Variants in PRRC2A observed in about 807,000 individuals in gnomAD.
PRRC2A encodes protein PRRC2A.
PRRC2A carries 59 observed loss-of-function variants against 224.6 expected under a neutral mutation model. The ratio of observed to expected loss-of-function variants is 0.26; its 90% CI spans 0.21 to 0.33. The LOEUF (loss-of-function observed/expected upper bound fraction) is 0.33, where lower values mean the gene tolerates loss of function less well. PRRC2A is among the 10% of genes least tolerant of loss of function. The pLI, the probability that PRRC2A is intolerant of heterozygous loss-of-function variation, is 1.00. For missense variants in PRRC2A, 3,095 were observed against 2,880.7 expected (o/e 1.07, Z -1.70); for synonymous variants, 1,194 against 1,109.5 (o/e 1.08, Z -1.51).
At chr6:31,622,998 A>G (rs542466913) in intron 2 of PRRC2A, 97 bp downstream of exon 2, 2 of 1,062,840 alleles carry the variant, frequency 1.9e-6, no homozygotes, top group African/African-American at 3.1e-5. Flanking sequence ...TGTAGTAGAA[A>G]TACCAAAAGA....
chr6:31,625,514 C>T lies in PRRC2A; in HGVS notation c.662C>T (p.Pro221Leu), dbSNP rs144276631. 35 of 1,582,212 alleles carry T rather than the reference C, an allele frequency of 2.2e-5. No homozygotes were observed. The highest frequency in any genetic ancestry group is 4.0e-5 in the African/African-American group (3 of 74,156). ...CGTGGCCCTGATGAGCTGGAGGGCCCGGACTCCAAACTTCATCATGGTCAT... is the reference window on the plus strand; with the variant it reads ...CGTGGCCCTGATGAGCTGGAGGGCCTGGACTCCAAACTTCATCATGGTCAT... ...GGRGPDELEG[P>L]DSKLHHGHDP... Residue 221 changes from proline (P) to leucine (L), a missense_variant, in exon 7 of 31, where the codon CCG (proline) becomes CTG (leucine). Physicochemically the swap from Pro to Leu is moderately conservative, Grantham distance 98 (BLOSUM62 -3). Transcript: ENST00000376033. The surrounding 1 kb of genome is among the most constrained non-coding windows in gnomAD (Gnocchi z 4.1).
At position 31,627,831 on chromosome 6, in the gene PRRC2A, C is replaced by G; in HGVS notation, c.1357C>G (p.Arg453Gly). 7 of 1,613,044 alleles carry G rather than the reference C, an allele frequency of 4.3e-6. No homozygotes were observed. The highest frequency in any genetic ancestry group is 5.1e-6 in the Non-Finnish European group (6 of 1,180,042). Residue 453 changes from arginine to glycine, a missense_variant, in exon 12 of 31, where the codon CGA (arginine) becomes GGA (glycine). Arg to Gly is a moderately radical substitution (Grantham distance 125). Around this residue, in one of 8 missense-constraint regions of PRRC2A, gnomAD observed 2,001 missense variants for 1,764.9 expected, o/e 1.13. Coordinates refer to ENST00000376033, the MANE Select transcript of PRRC2A (RefSeq NM_004638.4). The surrounding 1 kb of genome is among the most constrained non-coding windows in gnomAD (Gnocchi z 5.6). ...EDEDEAWRQR[R>G]KQSSSEISLA... Reference sequence around the variant, plus strand: ...TGAGGATGAGGCATGGCGGCAGCGACGAAAGCAGTCGTCATCTGAGATTTC... The same window carrying G: ...TGAGGATGAGGCATGGCGGCAGCGAGGAAAGCAGTCGTCATCTGAGATTTC...
Position 31,636,805 on chromosome 6 carries a change from G to A in PRRC2A, c.6007G>A (p.Ala2003Thr), listed in dbSNP as rs1414323801. The change falls in exon 28 of 31, where the codon GCC (alanine) becomes ACC (threonine). Residue 2003 changes from alanine (A) to threonine (T), a missense_variant. Ala to Thr is a moderately conservative substitution (Grantham distance 58, BLOSUM62 0). Around this residue, in one of 8 missense-constraint regions of PRRC2A, gnomAD observed 662 missense variants for 609.5 expected, o/e 1.09. Coordinates refer to ENST00000376033, the MANE Select transcript of PRRC2A (RefSeq NM_004638.4). This position sits in a 1 kb window ranked among gnomAD's most constrained non-coding sequence, Gnocchi z 4.3. ...FGSLPPAPPP[A>T]PPPLSLLPVG... ...CTCCCTGCCGCCAGCACCACCTCCT[G>A]CCCCACCTCCCCTTTCTCTGTTACC... The A allele has an allele frequency of 1.2e-6, 2 of 1,609,788 alleles. No homozygotes were observed. The highest frequency in any genetic ancestry group is 3.3e-4 in the Middle Eastern group (2 of 6,062).
Position 31,627,310 on chromosome 6 carries a change from T to C in PRRC2A, c.1290+112T>C, listed in dbSNP as rs1433555255. On this transcript the variant is annotated intron_variant, in intron 11 of 30. Coordinates refer to ENST00000376033, the MANE Select transcript of PRRC2A (RefSeq NM_004638.4). The surrounding 1 kb of genome is among the most constrained non-coding windows in gnomAD (Gnocchi z 5.6). ...AGGGGGGTGCTAAAAATGGGCTGTG[T>C]GAAGTGCCAGGCTGCAGAACATCCT... The C allele has an allele frequency of 1.4e-5, 11 of 769,414 alleles. No individual in the cohort carries two copies. The highest frequency in any genetic ancestry group is 1.9e-5 in the Non-Finnish European group (9 of 477,666). 47.7% of individuals were successfully genotyped at this position (769,414 alleles called of 1,614,324 possible).
chr6:31,637,302 AGC>A lies in PRRC2A; in HGVS notation c.6315_6316del (p.Val2106ArgfsTer17). The stretch of plus-strand genomic sequence containing the variant: ...ACCTACAGTGGAGTCTTCCGCACCC[AGC>A]GCGTCGACCTTTACCAGCAGGTGAA... On this transcript the variant is annotated frameshift_variant, in exon 30 of 31. Coordinates refer to ENST00000376033, the MANE Select transcript of PRRC2A (RefSeq NM_004638.4). LOFTEE classifies it high-confidence loss of function. The A allele has an allele frequency of 1.2e-6, 2 of 1,612,370 alleles. No homozygotes were observed. The highest frequency in any genetic ancestry group is 1.7e-6 in the Non-Finnish European group (2 of 1,179,384).
chr6:31,622,639 C>A, intron 1 of PRRC2A, 51 bp from the exon 2 acceptor site: 1 of 626,290 alleles, frequency 1.6e-6, no homozygotes, highest in South Asian at 2.1e-5. Flanking sequence ...ATATCTGAGT[C>A]CCTAATGATA....
rs753472805 is a variant in PRRC2A at position 31,626,096 on chromosome 6, A to G, written c.916A>G (p.Ile306Val). 11 of 1,612,616 alleles carry G rather than the reference A, an allele frequency of 6.8e-6. No individual in the cohort carries two copies. The highest frequency in any genetic ancestry group is 2.2e-5 in the South Asian group (2 of 91,082). ...AGTAGAGCCTGTGGGTCGTCCCTCT[A>G]TTCTCAAAGAGGATAATCTCAAAGA... Reference protein sequence around the residue: ...RLVEPVGRPSILKEDNLKEFD... With the variant: ...RLVEPVGRPSVLKEDNLKEFD... The change falls in exon 9 of 31, where the codon ATT (isoleucine) becomes GTT (valine). Residue 306 changes from isoleucine (I) to valine (V), a missense_variant. Ile to Val is a conservative substitution (Grantham distance 29, BLOSUM62 3). Transcript: ENST00000376033.
Position 31,631,183 on chromosome 6 carries a change from G to A in PRRC2A, c.2510G>A (p.Ser837Asn), listed in dbSNP as rs1231031135. The A allele has an allele frequency of 6.3e-7, 1 of 1,578,338 alleles. No homozygotes were observed. The highest frequency in any genetic ancestry group is 8.6e-7 in the Non-Finnish European group (1 of 1,163,466). Residue 837 changes from serine (S) to asparagine (N), a missense_variant, in exon 16 of 31, where the codon AGT becomes AAT. Around this residue, in one of 8 missense-constraint regions of PRRC2A, gnomAD observed 2,001 missense variants for 1,764.9 expected, o/e 1.13. Coordinates refer to ENST00000376033, the MANE Select transcript of PRRC2A (RefSeq NM_004638.4). The surrounding 1 kb of genome is among the most constrained non-coding windows in gnomAD (Gnocchi z 4.5). ...PVPPPPPYLA[S>N]YPGFPENGAP... ...CCTCCCCCACCACCCTATCTGGCCA[G>A]TTATCCAGGCTTTCCTGAGAATGGA...
At chr6:31,630,216 CTG>C (rs1360680175) in intron 14 of PRRC2A, among the ~76,000 whole-genome samples, 4 of 152,218 alleles carry the variant, frequency 2.6e-5, no homozygotes, top group Non-Finnish European at 5.9e-5. Flanking sequence ...ACTCGGGAGA[CTG>C]AGGCAGGAGA....
intron 12 of PRRC2A, among the ~76,000 whole-genome samples, 190 bp downstream of exon 12, chr6:31,628,429 A>G (rs560249717): frequency 6.6e-6 from 1 of 152,322 alleles, no homozygotes; most frequent in African/African-American, 2.4e-5. Flanking sequence ...CTTAGGTTGT[A>G]GTCTAATACC....
chr6:31,635,506 C>T (rs765073576), intron 23 of PRRC2A, 41 bp downstream of exon 23: 7 of 1,612,330 alleles, frequency 4.3e-6, no homozygotes, highest in East Asian at 2.2e-5. Flanking sequence ...CCCAAGATTT[C>T]TGGGGAAGAT....
chr6:31,624,628 A>G (rs1775688627), intron 5 of PRRC2A, 106 bp downstream of exon 5: 6 of 1,249,616 alleles, frequency 4.8e-6, no homozygotes, highest in African/African-American at 3.0e-5. Context: ...GGCTAAATCA[A>G]GGACCACCCA....
Position 31,622,897 on chromosome 6 carries a change from C to A in PRRC2A, c.108C>A (p.Pro36=). ...GCAAGTCCTTAGAGATCCAGAAACC[C>A]GCTGGTGAGAGTCCTGCAAAGATGC... The part of the protein sequence containing the change: ...YKGKSLEIQK[P]AVAPRHGLQS... Residue 36 remains proline, a synonymous_variant, in exon 2 of 31, where the codon CCC becomes CCA. Transcript: ENST00000376033. The A allele has an allele frequency of 6.2e-7, 1 of 1,612,750 alleles. No individual in the cohort carries two copies. The highest frequency in any genetic ancestry group is 8.5e-7 in the Non-Finnish European group (1 of 1,178,748).
At position 31,622,736 on chromosome 6, in the gene PRRC2A, C is replaced by G; in HGVS notation, c.-54C>G. On this transcript the variant is annotated 5_prime_UTR_variant, in exon 2 of 31. Coordinates refer to ENST00000376033, the MANE Select transcript of PRRC2A (RefSeq NM_004638.4). ...GCTGTCTGGCCCACAGGCTCTGGCA[C>G]GTTTTGGGGGAGGTGCCTGCAGGAC... 7.3e-7 allele frequency: 1 copy of G among 1,372,632 alleles called. No individual in the cohort carries two copies. Among genetic ancestry groups the G allele is most frequent in the Non-Finnish European group, 1.0e-6 (1 of 967,464 alleles). 85.0% of individuals were successfully genotyped at this position (1,372,632 alleles called of 1,614,324 possible).
chr6:31,636,973 G>A lies in PRRC2A; in HGVS notation c.6147+28G>A. On this transcript the variant is annotated intron_variant, in intron 28 of 30. Transcript: ENST00000376033. This position sits in a 1 kb window ranked among gnomAD's most constrained non-coding sequence, Gnocchi z 4.3. ...AAGGTACAGGAACTGAGGGGCTAGG[G>A]AGCGCCAAGACTTGGGAGTAGGGAT... The A allele has an allele frequency of 6.2e-7, 1 of 1,604,544 alleles. No individual in the cohort carries two copies. Among genetic ancestry groups the A allele is most frequent in the Non-Finnish European group, 8.5e-7 (1 of 1,173,916 alleles).
At position 31,629,576 on chromosome 6, in the gene PRRC2A, A is replaced by C. The variant is rs755160107; in HGVS notation, c.1985A>C (p.His662Pro). Residue 662 changes from histidine (H) to proline (P), a missense_variant, in exon 14 of 31, where the codon CAC becomes CCC. This residue lies in a region of PRRC2A where 2,001 missense variants were observed against 1,764.9 expected (regional missense o/e 1.13). Transcript: ENST00000376033. ...QEQLLKQQQQ[H>P]QWQQHQQGSA... The stretch of plus-strand genomic sequence containing the variant: ...CAGCTCCTGAAGCAGCAGCAGCAGC[A>C]CCAGTGGCAGCAGCATCAACAGGGC... 12 of 1,599,802 alleles carry C rather than the reference A, an allele frequency of 7.5e-6. No homozygotes were observed. The highest frequency in any genetic ancestry group is 1.0e-5 in the Non-Finnish European group (12 of 1,168,096).
Position 31,629,145 on chromosome 6 carries a change from G to A in PRRC2A, c.1767G>A (p.Val589=). 1 of 1,613,912 alleles carries A rather than the reference G, an allele frequency of 6.2e-7. No individual in the cohort carries two copies. The highest frequency in any genetic ancestry group is 8.5e-7 in the Non-Finnish European group (1 of 1,179,994). ...TCTGTTGTGTTTTTTCCGATGCAGT[G>A]GAACCACAACTGCCCTCAAAAGAGG... is the stretch of plus-strand genomic sequence containing the variant. The part of the protein sequence containing the change: ...TSSGSFEASP[V]EPQLPSKEGP... Residue 589 remains valine, a splice_region_variant and synonymous_variant, in exon 13 of 31, where the codon GTG becomes GTA. Coordinates refer to ENST00000376033, the MANE Select transcript of PRRC2A (RefSeq NM_004638.4).
chr6:31,634,432 A>G (rs1227230693), intron 19 of PRRC2A, 40 bp from the exon 20 acceptor site: 1 of 1,612,454 alleles, frequency 6.2e-7, no homozygotes, highest in African/African-American at 1.3e-5. Context: ...CTGAACTGTC[A>G]TCTCCTCACT....
At position 31,634,483 on chromosome 6, in the gene PRRC2A, A is replaced by G; in HGVS notation, c.4861A>G (p.Lys1621Glu). 1 of 1,612,948 alleles carries G rather than the reference A, an allele frequency of 6.2e-7. No homozygotes were observed. Among genetic ancestry groups the G allele is most frequent in the East Asian group, 2.2e-5 (1 of 44,888 alleles). ...WNRLHTATSR[K>E]SYRPSSMEPW... ...GCTCCCTTCTCCAGCCACTAGCCGAAAGAGTTACCGGCCCAGCTCCATGGA... is the reference window on the plus strand; with the variant it reads ...GCTCCCTTCTCCAGCCACTAGCCGAGAGAGTTACCGGCCCAGCTCCATGGA... Residue 1621 changes from lysine to glutamate, a missense_variant, in exon 20 of 31, where the codon AAG becomes GAG. By Grantham distance (56) the Lys-to-Glu change is moderately conservative. Around this residue, in one of 8 missense-constraint regions of PRRC2A, gnomAD observed 2,001 missense variants for 1,764.9 expected, o/e 1.13. Transcript: ENST00000376033.
Sources: allele counts gnomAD v4.1 joint callset (sites outside exome capture counted in the v4.1 genomes callset), GRCh38; gene constraint gnomAD v4.1.1; regional missense constraint gnomAD v4.1.1; non-coding constraint Gnocchi (gnomAD v3.1); transcripts MANE v1.5; gene names NCBI Gene and HGNC (gene_info 2026-07-23, HGNC 2026-07-21).